Variants in DOCK3 observed in about 807,000 individuals in gnomAD.
The protein encoded by DOCK3 is dedicator of cytokinesis 3.
Under a neutral mutation model 265.6 loss-of-function variants are expected in DOCK3, and 60 were observed. The ratio of observed to expected loss-of-function variants is 0.23; its 90% CI spans 0.18 to 0.28. The LOEUF (loss-of-function observed/expected upper bound fraction) is 0.28, where lower values mean the gene tolerates loss of function less well. Among genes scored for constraint, DOCK3 ranks in the 10% least tolerant of loss-of-function variants. The probability of loss-of-function intolerance (pLI) is 1.00; values close to 1 mark genes in which losing one functional copy is unlikely to be tolerated. For synonymous variants in DOCK3, 881 were observed against 938.0 expected (o/e 0.94, Z 1.11); for missense variants, 1,981 against 2,594.3 (o/e 0.76, Z 5.14).
chr3:51,115,805 T>C (rs1296843235), intron 9 of DOCK3, among the ~76,000 whole-genome samples: 1 of 152,216 alleles, frequency 6.6e-6, no homozygotes. Context: ...TAATCCATCT[T>C]GAGTTAATTT....
intron 12 of DOCK3, among the ~76,000 whole-genome samples, chr3:51,174,305 T>A (rs946780529): frequency 1.2e-4 from 18 of 151,954 alleles, no homozygotes; most frequent in African/African-American, 2.9e-4. Context: ...AAAAAAAATT[T>A]AAAAAATACA....
chr3:51,013,771 C>A (rs2079043177), intron 5 of DOCK3, among the ~76,000 whole-genome samples: 1 of 152,142 alleles, frequency 6.6e-6, no homozygotes, highest in Non-Finnish European at 1.5e-5. Flanking sequence ...ATGCCCTGTC[C>A]CCAGAAGTGG....
intron 9 of DOCK3, among the ~76,000 whole-genome samples, chr3:51,102,274 G>A (rs920788089): frequency 6.6e-6 from 1 of 152,168 alleles, no homozygotes; most frequent in African/African-American, 2.4e-5. Flanking sequence ...TATCTGCCTG[G>A]CTGTAGATCA....
chr3:51,014,533 G>A (rs750947798), intron 5 of DOCK3, among the ~76,000 whole-genome samples: 2 of 128,236 alleles, frequency 1.6e-5, no homozygotes, highest in South Asian at 2.9e-4. Flanking sequence ...TCTTCAACAT[G>A]GTATACAAAC....
intron 9 of DOCK3, among the ~76,000 whole-genome samples, chr3:51,093,758 G>A (rs956154249): frequency 1.3e-5 from 2 of 152,174 alleles, no homozygotes; most frequent in Admixed American, 6.5e-5. Flanking sequence ...TTTTCAAAGG[G>A]AATGCTTCCA....
intron 5 of DOCK3, among the ~76,000 whole-genome samples, chr3:50,942,333 A>G (rs990140703): frequency 6.6e-6 from 1 of 152,058 alleles, no homozygotes; most frequent in African/African-American, 2.4e-5. Flanking sequence ...GATGGTCACA[A>G]AAATTTTTGT....
intron 3 of DOCK3, chr3:50,877,471 A>G: frequency 1.9e-6 from 1 of 520,082 alleles, no homozygotes; most frequent in East Asian, 5.5e-5. Context: ...GCCAAATCAG[A>G]ATTTATTTCA....
At chr3:50,914,212 A>T in intron 4 of DOCK3, among the ~76,000 whole-genome samples, 1 of 145,104 alleles carries the variant, frequency 6.9e-6, no homozygotes. Context: ...TCTATAGTTT[A>T]TTTTCTTATG....
chr3:51,061,908 C>T (rs892882185), intron 5 of DOCK3, among the ~76,000 whole-genome samples: 8 of 152,096 alleles, frequency 5.3e-5, no homozygotes, highest in Admixed American at 2.6e-4. Flanking sequence ...TTTCCTTCTT[C>T]CAGGCATGCT....
intron 12 of DOCK3, among the ~76,000 whole-genome samples, chr3:51,162,894 C>A (rs1027288396): frequency 3.3e-5 from 5 of 151,582 alleles, no homozygotes; most frequent in Non-Finnish European, 7.4e-5. Context: ...TTCAAATTTT[C>A]TTTTGAAGGA....
chr3:51,136,798 G>T (rs2084827125), intron 9 of DOCK3, among the ~76,000 whole-genome samples: 1 of 152,152 alleles, frequency 6.6e-6, no homozygotes, highest in South Asian at 2.1e-4. Context: ...AGTGTCTCAA[G>T]GAGAACTGGT....
At chr3:50,767,548 A>T (rs564153769) in intron 1 of DOCK3, among the ~76,000 whole-genome samples, 110 of 152,262 alleles carry the variant, frequency 7.2e-4, no homozygotes, top group African/African-American at 2.6e-3. Context: ...GAGGTCAGGT[A>T]GCATGATGCT....
intron 27 of DOCK3, among the ~76,000 whole-genome samples, chr3:51,306,326 T>G (rs966099906): frequency 6.6e-6 from 1 of 152,242 alleles, no homozygotes; most frequent in South Asian, 2.1e-4. Context: ...TGTTTTTCTC[T>G]TGTTGCTTTC....
chr3:50,709,856 G>C (rs1576185447), intron 1 of DOCK3, among the ~76,000 whole-genome samples: 1 of 152,112 alleles, frequency 6.6e-6, no homozygotes, highest in East Asian at 1.9e-4. Context: ...GGCTTTATCA[G>C]GTCAAGGAAG....
At chr3:51,207,041 A>G (rs1456628085) in intron 12 of DOCK3, among the ~76,000 whole-genome samples, 1 of 152,132 alleles carries the variant, frequency 6.6e-6, no homozygotes, top group Non-Finnish European at 1.5e-5. Context: ...GCTAGAGACA[A>G]TGCTTTGGAG....
At chr3:50,685,975 G>C (rs1412038114) in intron 1 of DOCK3, among the ~76,000 whole-genome samples, 1 of 152,138 alleles carries the variant, frequency 6.6e-6, no homozygotes, top group Non-Finnish European at 1.5e-5. Context: ...TTCGACACCA[G>C]GGACTGGTTT....
At chr3:51,320,092 T>G (rs1049357419) in intron 32 of DOCK3, among the ~76,000 whole-genome samples, 1 of 151,966 alleles carries the variant, frequency 6.6e-6, no homozygotes, top group African/African-American at 2.4e-5. Context: ...AGAAGGCGGG[T>G]GATTCCTGCA....
intron 1 of DOCK3, among the ~76,000 whole-genome samples, chr3:50,755,884 G>A (rs937040864): frequency 6.6e-6 from 1 of 152,192 alleles, no homozygotes; most frequent in Non-Finnish European, 1.5e-5. Context: ...GTATAGATAA[G>A]AATTCTGCTG....
chr3:50,769,014 AT>A (rs2041097889), intron 1 of DOCK3, among the ~76,000 whole-genome samples: 1 of 150,870 alleles, frequency 6.6e-6, no homozygotes. Flanking sequence ...GATGTTGAGC[AT>A]TTTTTCATAT....
Sources: allele counts gnomAD v4.1 joint callset (sites outside exome capture counted in the v4.1 genomes callset), GRCh38; gene constraint gnomAD v4.1.1; transcripts MANE v1.5; gene names NCBI Gene and HGNC (gene_info 2026-07-23, HGNC 2026-07-21).